GUCY1A1: variants seen among roughly 807,000 people sequenced by gnomAD.
GUCY1A1 encodes the protein guanylate cyclase 1 soluble subunit alpha 1.
Under a neutral mutation model 64.5 loss-of-function variants are expected in GUCY1A1, and 48 were observed. The ratio of observed to expected loss-of-function variants is 0.74; its 90% CI spans 0.59 to 0.95. The LOEUF is 0.95. Among genes scored for constraint, GUCY1A1 ranks in the 40% least tolerant of loss-of-function variants. The pLI, the probability that GUCY1A1 is intolerant of heterozygous loss-of-function variation, is 0.00. For synonymous variants in GUCY1A1, 308 were observed against 303.4 expected (o/e 1.02, Z -0.16); for missense variants, 804 against 825.3 (o/e 0.97, Z 0.32).
At chr4:155,719,274 C>A (rs1733659870) in intron 8 of GUCY1A1, among the ~76,000 whole-genome samples, 1 of 152,118 alleles carries the variant, frequency 6.6e-6, no homozygotes, top group African/African-American at 2.4e-5. Flanking sequence ...TAACCTGCAG[C>A]CCTGGGAAAT....
chr4:155,685,087 A>C (rs896119219), intron 2 of GUCY1A1, among the ~76,000 whole-genome samples: 2 of 152,136 alleles, frequency 1.3e-5, no homozygotes, highest in Admixed American at 1.3e-4. Flanking sequence ...GGTTGGGTTC[A>C]TTTCCTGTTT....
intron 3 of GUCY1A1, 34 bp downstream of exon 3, chr4:155,697,156 A>G: frequency 6.5e-7 from 1 of 1,527,726 alleles, no homozygotes; most frequent in Non-Finnish European, 9.0e-7. Flanking sequence ...TGAAATTGTA[A>G]TACTTTGAAA....
chr4:155,698,502 G>A (rs1730693270), intron 3 of GUCY1A1, among the ~76,000 whole-genome samples: 1 of 152,180 alleles, frequency 6.6e-6, no homozygotes, highest in African/African-American at 2.4e-5. Context: ...TGATGATGAG[G>A]AAGCTGAGAT....
intron 9 of GUCY1A1, among the ~76,000 whole-genome samples, chr4:155,727,530 T>G (rs1734876655): frequency 6.6e-6 from 1 of 151,834 alleles, no homozygotes; most frequent in African/African-American, 2.4e-5. Context: ...ATAATTGTCA[T>G]TACCGTATTT....
At chr4:155,679,164 A>G (rs1188776425) in intron 2 of GUCY1A1, among the ~76,000 whole-genome samples, 1 of 145,708 alleles carries the variant, frequency 6.9e-6, no homozygotes, top group African/African-American at 2.5e-5. Flanking sequence ...CCACTTTATC[A>G]TGCTCTTTTT....
chr4:155,683,364 T>A (rs543209679), intron 2 of GUCY1A1, among the ~76,000 whole-genome samples: 2 of 152,134 alleles, frequency 1.3e-5, no homozygotes, highest in East Asian at 1.9e-4. Flanking sequence ...TGGAAAAAAA[T>A]TGAATAAATT....
chr4:155,698,663 G>A (rs966378728), intron 3 of GUCY1A1, among the ~76,000 whole-genome samples: 6 of 152,092 alleles, frequency 3.9e-5, no homozygotes, highest in Admixed American at 1.3e-4. Flanking sequence ...GCGACAGAGC[G>A]AGACTCTGTC....
intron 4 of GUCY1A1, among the ~76,000 whole-genome samples, chr4:155,704,200 A>G (rs531269045): frequency 7.8e-4 from 119 of 152,358 alleles, no homozygotes; most frequent in Non-Finnish European, 1.6e-3. Context: ...GGTTTATATG[A>G]AGTATTTAGA....
intron 2 of GUCY1A1, among the ~76,000 whole-genome samples, chr4:155,684,092 C>T (rs1477338074): frequency 1.3e-5 from 2 of 152,170 alleles, no homozygotes; most frequent in African/African-American, 4.8e-5. Flanking sequence ...GCAAATGACT[C>T]TGTCTTTATA....
rs776867022 is a variant in GUCY1A1, at chr4:155,711,217, G to T, written c.1052G>T (p.Arg351Met). Reference sequence around the variant, plus strand: ...AATATGCAGTTTGTTGTACGAGTGAGGAGATGGGACAACTCTGTGAAAAAA... The same window carrying T: ...AATATGCAGTTTGTTGTACGAGTGATGAGATGGGACAACTCTGTGAAAAAA... ...MLNMQFVVRV[R>M]RWDNSVKKSS... The change falls in exon 6 of 10, where the codon AGG (arginine) becomes ATG (methionine). Residue 351 changes from arginine to methionine, a missense_variant. Arg to Met is a moderately conservative substitution (Grantham distance 91). Transcript: ENST00000506455. 8.7e-6 allele frequency: 14 copies of T among 1,601,518 alleles called. No homozygotes were observed. Among genetic ancestry groups the T allele is most frequent in the Non-Finnish European group, 1.2e-5 (14 of 1,168,560 alleles).
At chr4:155,718,908 T>A (rs1435750252) in intron 8 of GUCY1A1, among the ~76,000 whole-genome samples, 1 of 152,188 alleles carries the variant, frequency 6.6e-6, no homozygotes, top group Non-Finnish European at 1.5e-5. Flanking sequence ...CATCACAATA[T>A]CTGACTTTTT....
At chr4:155,715,003 T>A (rs1560956406) in intron 7 of GUCY1A1, among the ~76,000 whole-genome samples, 1 of 152,242 alleles carries the variant, frequency 6.6e-6, no homozygotes, top group African/African-American at 2.4e-5. Flanking sequence ...CTTCTACTTT[T>A]GGTTATTTCT....
At chr4:155,727,473 C>G (rs1734866257) in intron 9 of GUCY1A1, among the ~76,000 whole-genome samples, 1 of 151,722 alleles carries the variant, frequency 6.6e-6, no homozygotes, top group Non-Finnish European at 1.5e-5. Flanking sequence ...TTTAAAGCCA[C>G]TTCTAAAGGC....
At chr4:155,691,757 T>TC (rs1455538811) in intron 2 of GUCY1A1, among the ~76,000 whole-genome samples, 1 of 152,236 alleles carries the variant, frequency 6.6e-6, no homozygotes, top group African/African-American at 2.4e-5. Context: ...GCTTGCCTCT[T>TC]CCCTGTAACT....
chr4:155,683,329 A>T (rs576326946), intron 2 of GUCY1A1, among the ~76,000 whole-genome samples: 1 of 152,256 alleles, frequency 6.6e-6, no homozygotes, highest in Non-Finnish European at 1.5e-5. Context: ...GTGTCTTCAC[A>T]TACAAAGAAT....
At chr4:155,688,309 A>C (rs1017858) in intron 2 of GUCY1A1, among the ~76,000 whole-genome samples, 1 of 151,852 alleles carries the variant, frequency 6.6e-6, no homozygotes, top group South Asian at 2.1e-4. Flanking sequence ...GTATGTATGT[A>C]TGTGTGTGTG....
At position 155,734,783 on chromosome 4, in the gene GUCY1A1, A is replaced by G. The variant is rs945404540; in HGVS notation, c.*4552A>G. 1 of 152,004 alleles carries G rather than the reference A, an allele frequency of 6.6e-6. No individual in the cohort carries two copies. The highest frequency in any genetic ancestry group is 2.4e-5 in the African/African-American group (1 of 41,428). 9.4% of individuals were successfully genotyped at this position (152,004 alleles called of 1,614,324 possible). On this transcript the variant is annotated 3_prime_UTR_variant, in exon 10 of 10. Transcript: ENST00000506455. The stretch of plus-strand genomic sequence containing the variant: ...GCTAAAAGCAGTGACTGCTTAACTT[A>G]TTAAGCAGAGAAAACCAAAATGTCA...
rs899276044 is a variant in GUCY1A1 at position 155,736,768 on chromosome 4, C to T, written c.*6537C>T. The stretch of plus-strand genomic sequence containing the variant: ...ACCAGTTTTTGGTAAATATGCATTG[C>T]TATAGGTATACCAAGTTTTTTTTGT... On this transcript the variant is annotated 3_prime_UTR_variant, in exon 10 of 10. Coordinates refer to ENST00000506455, the MANE Select transcript of GUCY1A1 (RefSeq NM_001130682.3). 1 of 151,810 alleles carries T rather than the reference C, an allele frequency of 6.6e-6. No individual in the cohort carries two copies. Among genetic ancestry groups the T allele is most frequent in the Non-Finnish European group, 1.5e-5 (1 of 67,894 alleles). The allele number at this position is 151,810 out of a possible 1,614,324, so 9.4% of individuals were successfully genotyped here.
intron 2 of GUCY1A1, among the ~76,000 whole-genome samples, chr4:155,671,127 G>A (rs916129268): frequency 6.6e-6 from 1 of 152,242 alleles, no homozygotes; most frequent in East Asian, 1.9e-4. Context: ...TGTTATTCTT[G>A]AATTAAGGCT....
Sources: gnomAD v4.1 joint callset for allele counts (sites outside exome capture counted in the v4.1 genomes callset) on GRCh38, gnomAD v4.1.1 for gene constraint, MANE v1.5 for transcripts, NCBI Gene and HGNC (gene_info 2026-07-23, HGNC 2026-07-21) for gene names.